The following ELN variants were observed in gnomAD, a reference collection of about 807,000 sequenced individuals.
ELN encodes the protein tropoelastin.
A neutral mutation model predicts 105.8 loss-of-function variants in ELN; 65 were observed. The ratio of observed to expected loss-of-function variants is 0.61; its 90% CI spans 0.50 to 0.75. ELN has a LOEUF of 0.75. Among genes scored for constraint, ELN ranks in the 30% least tolerant of loss-of-function variants. The pLI, the probability that ELN is intolerant of heterozygous loss-of-function variation, is 0.00. For synonymous variants in ELN, 368 were observed against 389.2 expected (o/e 0.95, Z 0.64); for missense variants, 882 against 969.4 (o/e 0.91, Z 1.20).
intron 4 of ELN, among the ~76,000 whole-genome samples, chr7:74,039,540 G>T (rs556612848): frequency 6.6e-6 from 1 of 152,364 alleles, no homozygotes; most frequent in Admixed American, 6.5e-5. Context: ...AGGGTGGGTG[G>T]CCTGGCAGCT....
intron 31 of ELN, 113 bp downstream of exon 31, chr7:74,066,110 C>G (rs1797888579): frequency 1.3e-6 from 2 of 1,503,356 alleles, no homozygotes; most frequent in Admixed American, 3.4e-5. Flanking sequence ...GGACAGGAGA[C>G]TGGGGCTGGT....
intron 22 of ELN, among the ~76,000 whole-genome samples, chr7:74,059,165 C>G (rs1356855808): frequency 2.0e-5 from 3 of 152,032 alleles, no homozygotes; most frequent in Non-Finnish European, 4.4e-5. Context: ...GCCAACGTGT[C>G]TGGCCTACAA....
intron 6 of ELN, 51 bp downstream of exon 6, chr7:74,042,757 C>T: frequency 6.2e-7 from 1 of 1,600,390 alleles, no homozygotes; most frequent in African/African-American, 1.3e-5. Context: ...TTCCGTGGGG[C>T]CCTCCGCTTT....
rs898250282 is a variant in ELN, at chr7:74,055,819, C to G, written c.1151-452C>G. Among the ~76,000 whole-genome samples, 13 of 148,914 alleles carry G rather than the reference C, an allele frequency of 8.7e-5. No individual in the cohort carries two copies. In the Admixed American group the frequency reaches 8.8e-4, roughly 10 times the overall value. ...TTTTTTTTTTTGAGACGGAGTCTTG[C>G]TCTGTCACCCAGGCTGGAGTGCAGT... On this transcript the variant is annotated intron_variant, in intron 19 of 32. Coordinates refer to ENST00000252034, the MANE Select transcript of ELN (RefSeq NM_000501.4).
chr7:74,037,739 G>C lies in ELN; in HGVS notation c.196G>C (p.Val66Leu). 1 of 1,612,012 alleles carries C rather than the reference G, an allele frequency of 6.2e-7. No homozygotes were observed. Among genetic ancestry groups the C allele is most frequent in the Non-Finnish European group, 8.5e-7 (1 of 1,179,224 alleles). ...GCCTGGAGGCAAACCTCTTAAGCCA[G>C]GTAAGACCCAAGGCCTCGGAGCATT... is the stretch of plus-strand genomic sequence containing the variant. ...LGPGGKPLKP[V>L]PGGLAGAGLG... The change falls in exon 4 of 33, where the codon GTT becomes CTT. Residue 66 changes from valine (V) to leucine (L), a missense_variant and splice_region_variant. Coordinates refer to ENST00000252034, the MANE Select transcript of ELN (RefSeq NM_000501.4).
intron 26 of ELN, among the ~76,000 whole-genome samples, chr7:74,062,051 C>T (rs1236054963): frequency 3.3e-5 from 5 of 152,258 alleles, no homozygotes; most frequent in Non-Finnish European, 5.9e-5. Flanking sequence ...AGTCCCACAG[C>T]CTCTGCACTT....
chr7:74,067,742 G>C (rs528395778), intron 32 of ELN, among the ~76,000 whole-genome samples: 2 of 149,008 alleles, frequency 1.3e-5, no homozygotes, highest in African/African-American at 2.5e-5. Context: ...CAGCCTGGGC[G>C]GCACAGCAAG....
At chr7:74,057,358 G>A (rs1554680786) in intron 21 of ELN, 1 of 1,481,602 alleles carries the variant, frequency 6.7e-7, no homozygotes, top group Non-Finnish European at 8.9e-7. Flanking sequence ...GAGGGGCAAG[G>A]CTGAAAGTTC....
chr7:74,061,930 G>A (rs1008169953), intron 26 of ELN, among the ~76,000 whole-genome samples: 1 of 152,150 alleles, frequency 6.6e-6, no homozygotes, highest in African/African-American at 2.4e-5. Context: ...CCAGCTCTCT[G>A]GCCCGAGCAA....
At chr7:74,036,612 C>T (rs781955370) in intron 3 of ELN, 28 bp downstream of exon 3, 1 of 1,613,978 alleles carries the variant, frequency 6.2e-7, no homozygotes, top group African/African-American at 1.3e-5. Context: ...ACTTGTTCAT[C>T]ACTGAAAGGG....
rs1792629745 is a variant in ELN, at chr7:74,046,746, A to G, written c.622A>G (p.Ile208Val). Residue 208 changes from isoleucine (I) to valine (V), a missense_variant, in exon 12 of 33, where the codon ATC becomes GTC. By Grantham distance (29) the Ile-to-Val change is conservative. Transcript: ENST00000252034. ...ACCTGGAGTCCCACTGGGGTATCCC[A>G]TCAAGGCCCCCAAGCTGCCTGGTAA... The part of the protein sequence containing the change: ...PQPGVPLGYP[I>V]KAPKLPGGYG... The G allele has an allele frequency of 2.5e-6, 4 of 1,614,042 alleles. No individual in the cohort carries two copies. Among genetic ancestry groups the G allele is most frequent in the Non-Finnish European group, 3.4e-6 (4 of 1,180,016 alleles).
At chr7:74,064,423 A>AAAAAATAT (rs1554687738) in intron 29 of ELN, among the ~76,000 whole-genome samples, 1 of 133,144 alleles carries the variant, frequency 7.5e-6, no homozygotes, top group Non-Finnish European at 1.6e-5. Context: ...TCAAAAAAAA[A>AAAAAATAT]ATATATATAT....
chr7:74,064,442 ATATG>A (rs782675875), intron 29 of ELN, among the ~76,000 whole-genome samples: 26 of 145,944 alleles, frequency 1.8e-4, no homozygotes, highest in African/African-American at 6.3e-4. Flanking sequence ...ATATATATAT[ATATG>A]TATGTATGTA....
At chr7:74,038,635 T>C (rs537603622) in intron 4 of ELN, among the ~76,000 whole-genome samples, 75 of 152,310 alleles carry the variant, frequency 4.9e-4, no homozygotes, top group African/African-American at 1.8e-3. Context: ...CTGTCCAGAT[T>C]GATGGTCCCT....
At position 74,046,059 on chromosome 7, in the gene ELN, A is replaced by G. The variant is rs1420145753; in HGVS notation, c.542-129A>G. 3.1e-6 allele frequency: 4 copies of G among 1,295,096 alleles called. No homozygotes were observed. The African/African-American group carries it at 4.4e-5, about 14-fold the overall frequency. The allele number at this position is 1,295,096 out of a possible 1,614,324, so 80.2% of individuals were successfully genotyped here. On this transcript the variant is annotated intron_variant, in intron 10 of 32. Transcript: ENST00000252034. ...TCCGAAAAAAGAAACCCCAGAGTTC[A>G]TGTGAGCGCAGCATGCGATGACTGG... is the stretch of plus-strand genomic sequence containing the variant.
chr7:74,061,104 C>T lies in ELN; in HGVS notation c.1751C>T (p.Pro584Leu). 1 of 1,614,156 alleles carries T rather than the reference C, an allele frequency of 6.2e-7. No individual in the cohort carries two copies. ...GAGVPGFGAV[P>L]GALAAAKAAK... ...CCCAACTTTTCTTTCTCCCCAGTAC[C>T]TGGAGCCCTGGCTGCCGCTAAAGCA... Residue 584 changes from proline to leucine, a missense_variant, in exon 26 of 33, where the codon CCT becomes CTT. Physicochemically the swap from Pro to Leu is moderately conservative, Grantham distance 98 (BLOSUM62 -3). Transcript: ENST00000252034.
In ELN at chr7:74,060,191, G is replaced by T. The variant is rs1554683354; in HGVS notation, c.1621+7G>T. The stretch of plus-strand genomic sequence containing the variant: ...GCTGCCAAAGCCCAGCTCCGTGAGT[G>T]CCTCGCCCACCTTTCTCTCCTCTCC... On this transcript the variant is annotated splice_region_variant and intron_variant, in intron 24 of 32. Coordinates refer to ENST00000252034, the MANE Select transcript of ELN (RefSeq NM_000501.4). 1 of 1,614,038 alleles carries T rather than the reference G, an allele frequency of 6.2e-7. No individual in the cohort carries two copies. Among genetic ancestry groups the T allele is most frequent in the Admixed American group, 1.7e-5 (1 of 60,010 alleles).
rs782475232 is a variant in ELN, at chr7:74,057,689, C to T, written c.1407C>T (p.Ala469=). The T allele has an allele frequency of 6.2e-7, 1 of 1,613,396 alleles. No homozygotes were observed. The highest frequency in any genetic ancestry group is 8.5e-7 in the Non-Finnish European group (1 of 1,179,918). Residue 469 remains alanine (A), a synonymous_variant, in exon 22 of 33, where the codon GCC becomes GCT. Transcript: ENST00000252034. ...AAAAKAAAKA[A]QFGLVPGVGV... is the part of the protein sequence containing the mutation. Reference sequence around the variant, plus strand: ...CTGCTAAAGCAGCCGCCAAAGCCGCCCAGTTTGGTAAGTCCCCCTCACCCC... The same window carrying T: ...CTGCTAAAGCAGCCGCCAAAGCCGCTCAGTTTGGTAAGTCCCCCTCACCCC...
chr7:74,065,420 G>C (rs1287931328), intron 29 of ELN, among the ~76,000 whole-genome samples: 4 of 151,824 alleles, frequency 2.6e-5, no homozygotes. Flanking sequence ...TTCGCGACCA[G>C]CCTGGCCAAC....
Sources: allele counts gnomAD v4.1 joint callset (sites outside exome capture counted in the v4.1 genomes callset), GRCh38; gene constraint gnomAD v4.1.1; transcripts MANE v1.5; gene names NCBI Gene and HGNC (gene_info 2026-07-23, HGNC 2026-07-21).